Variants in FLT1 observed in about 807,000 individuals in gnomAD.
The protein encoded by FLT1 is fms related receptor tyrosine kinase 1.
Under a neutral mutation model 156.3 loss-of-function variants are expected in FLT1, and 49 were observed. The observed-to-expected ratio is 0.31, with a 90% CI of 0.25 to 0.40. The LOEUF (loss-of-function observed/expected upper bound fraction) is 0.40. FLT1 is among the 10% of genes least tolerant of loss of function. FLT1 has a pLI of 1.00. For missense variants in FLT1, 1,322 were observed against 1,637.2 expected (o/e 0.81, Z 3.32); for synonymous variants, 594 against 583.8 (o/e 1.02, Z -0.25).
Position 28,467,570 on chromosome 13 carries a change from CT to C in FLT1, c.111del (p.Gly38AlafsTer30), listed in dbSNP as rs760046157. The C allele has an allele frequency of 6.2e-7, 1 of 1,611,100 alleles. No individual in the cohort carries two copies. The highest frequency in any genetic ancestry group is 8.5e-7 in the Non-Finnish European group (1 of 1,178,450). On this transcript the variant is annotated frameshift_variant, in exon 2 of 30. Coordinates refer to ENST00000282397, the MANE Select transcript of FLT1 (RefSeq NM_002019.4). LOFTEE classifies it high-confidence loss of function. ...SKLKDPELSLKGTQHIMQAGQ... is the reference protein window; with the variant it reads ...SKLKDPELSLXGTQHIMQAGQ... ...CCTGCTTGCATGATGTGCTGGGTGC[CT>C]TTTAAACTCAGTTCAGGATCTTTTA...
chr13:28,467,375 C>CT, intron 2 of FLT1, 146 bp downstream of exon 2: 1 of 690,208 alleles, frequency 1.4e-6, no homozygotes, highest in South Asian at 1.7e-5. Flanking sequence ...CCCATGAATC[C>CT]CCTTTCATGG....
Position 28,489,785 on chromosome 13 carries a change from AC to A in FLT1, c.64+4994del, listed in dbSNP as rs138940706. Among the ~76,000 whole-genome samples the A allele has an allele frequency of 5.3e-3, 802 of 152,332 alleles. 9 individuals carry two copies. Among genetic ancestry groups the A allele is most frequent in the African/African-American group, 0.019 (770 of 41,564 alleles). ...AAAGACAAAGCTAGTACCATAAGCCACAAGTATGTAAGCCACAGCTGTTCAG... is the reference window on the plus strand; with the variant it reads ...AAAGACAAAGCTAGTACCATAAGCCAAAGTATGTAAGCCACAGCTGTTCAG... On this transcript the variant is annotated intron_variant, in intron 1 of 29. Transcript: ENST00000282397.
intron 10 of FLT1, among the ~76,000 whole-genome samples, chr13:28,416,618 A>G (rs1876661986): frequency 6.6e-6 from 1 of 152,238 alleles, no homozygotes. Context: ...GAGATGATGC[A>G]TATAAAGCAC....
At chr13:28,378,511 G>A (rs1873943435) in intron 14 of FLT1, among the ~76,000 whole-genome samples, 1 of 152,210 alleles carries the variant, frequency 6.6e-6, no homozygotes, top group Admixed American at 6.5e-5. Context: ...TATGTTCAGT[G>A]TGCAGAGTGC....
Position 28,322,176 on chromosome 13 carries a change from C to A in FLT1, c.3051+86G>T. 2.3e-6 allele frequency: 2 copies of A among 871,686 alleles called. No individual in the cohort carries two copies. The highest frequency in any genetic ancestry group is 3.9e-6 in the Non-Finnish European group (2 of 510,192). 54.0% of individuals were successfully genotyped at this position (871,686 alleles called of 1,614,324 possible). The stretch of plus-strand genomic sequence containing the variant: ...GTTCTACATTTAAGAACATAGGTAT[C>A]AGCAAATACTAGGAAAAATGAATTT... On this transcript the variant is annotated intron_variant, in intron 22 of 29. Coordinates refer to ENST00000282397, the MANE Select transcript of FLT1 (RefSeq NM_002019.4). The surrounding 1 kb of genome is among the most constrained non-coding windows in gnomAD (Gnocchi z 4.3).
intron 10 of FLT1, among the ~76,000 whole-genome samples, chr13:28,414,586 C>A (rs1434379822): frequency 6.6e-6 from 1 of 152,194 alleles, no homozygotes; most frequent in Non-Finnish European, 1.5e-5. Context: ...GGAAACAAAT[C>A]ATTAATGTTA....
chr13:28,347,152 G>A (rs1872595637), intron 15 of FLT1, among the ~76,000 whole-genome samples: 1 of 152,112 alleles, frequency 6.6e-6, no homozygotes, highest in Admixed American at 6.5e-5. Flanking sequence ...TTGAAGAGGT[G>A]GCATTTGACA....
intron 12 of FLT1, among the ~76,000 whole-genome samples, chr13:28,392,016 C>T (rs918888850): frequency 2.6e-5 from 4 of 152,190 alleles, no homozygotes; most frequent in African/African-American, 9.6e-5. Flanking sequence ...ATACTTTGCA[C>T]ACAAAGCTAT....
intron 10 of FLT1, among the ~76,000 whole-genome samples, chr13:28,410,255 G>C (rs926002157): frequency 6.6e-6 from 1 of 152,186 alleles, no homozygotes; most frequent in African/African-American, 2.4e-5. Flanking sequence ...TTAGAGGATA[G>C]ATTGTCACAT....
chr13:28,327,251 C>T (rs1257071516), intron 20 of FLT1, among the ~76,000 whole-genome samples: 1 of 152,174 alleles, frequency 6.6e-6, no homozygotes, highest in African/African-American at 2.4e-5. Flanking sequence ...GCTGCATACG[C>T]ACACAGGGAT....
chr13:28,441,232 G>A (rs1000211865), intron 3 of FLT1, among the ~76,000 whole-genome samples: 8 of 152,208 alleles, frequency 5.3e-5, no homozygotes, highest in East Asian at 1.9e-4. Context: ...AACACAGTGC[G>A]CATGTGGCTC....
At chr13:28,485,132 A>G (rs1881077484) in intron 1 of FLT1, among the ~76,000 whole-genome samples, 1 of 152,208 alleles carries the variant, frequency 6.6e-6, no homozygotes, top group African/African-American at 2.4e-5. Flanking sequence ...TATATAATTG[A>G]AATAAAAAAT....
At chr13:28,329,764 A>G (rs1287393916) in intron 18 of FLT1, 36 bp from the exon 19 acceptor site, 1 of 1,533,184 alleles carries the variant, frequency 6.5e-7, no homozygotes, top group Non-Finnish European at 9.0e-7. Flanking sequence ...GGGCGACAGG[A>G]CAATGGGGCT....
intron 27 of FLT1, among the ~76,000 whole-genome samples, chr13:28,310,965 C>A (rs1014385747): frequency 6.6e-6 from 1 of 152,086 alleles, no homozygotes; most frequent in African/African-American, 2.4e-5. Context: ...TTATTTGGTG[C>A]GATAATTTTG....
chr13:28,457,177 TAC>T (rs140180276), intron 3 of FLT1, among the ~76,000 whole-genome samples: 4 of 150,664 alleles, frequency 2.7e-5, no homozygotes, highest in East Asian at 1.9e-4. Flanking sequence ...AAAAAAATCA[TAC>T]ACACACACAC....
intron 14 of FLT1, among the ~76,000 whole-genome samples, chr13:28,382,012 A>G (rs1593726812): frequency 6.6e-6 from 1 of 152,262 alleles, no homozygotes; most frequent in South Asian, 2.1e-4. Flanking sequence ...TAAACTATCT[A>G]TCTGCCCTCT....
chr13:28,412,949 G>T (rs1209450951), intron 10 of FLT1, among the ~76,000 whole-genome samples: 1 of 152,094 alleles, frequency 6.6e-6, no homozygotes, highest in Non-Finnish European at 1.5e-5. Context: ...TAGACAGAAT[G>T]GTTCCTGCTC....
chr13:28,303,471 T>A, intron 29 of FLT1, 103 bp from the exon 30 acceptor site: 1 of 995,462 alleles, frequency 1.0e-6, no homozygotes, highest in Non-Finnish European at 1.5e-6. Flanking sequence ...TTCATACCTG[T>A]CTAGAGTTCA....
At chr13:28,483,720 C>G (rs528272484) in intron 1 of FLT1, among the ~76,000 whole-genome samples, 11 of 152,310 alleles carry the variant, frequency 7.2e-5, no homozygotes, top group South Asian at 6.2e-4. Context: ...CCGTGTTGCT[C>G]ACTGTACAAG....
Sources: gnomAD v4.1 joint callset for allele counts (sites outside exome capture counted in the v4.1 genomes callset) on GRCh38, gnomAD v4.1.1 for gene constraint, Gnocchi (gnomAD v3.1) non-coding constraint, MANE v1.5 for transcripts, NCBI Gene and HGNC (gene_info 2026-07-23, HGNC 2026-07-21) for gene names.